The following CER1 variants were observed in gnomAD, a reference collection of about 807,000 sequenced individuals.
The protein encoded by CER1 is cerberus 1, DAN family BMP antagonist, also known as cerberus.
CER1 carries 10 observed loss-of-function variants against 11.8 expected under a neutral mutation model. The ratio of observed to expected loss-of-function variants is 0.85; its 90% CI spans 0.52 to 1.44. The LOEUF (loss-of-function observed/expected upper bound fraction) is 1.44, where lower values mean the gene tolerates loss of function less well. Ranked by LOEUF, CER1 falls within the 40% of genes most tolerant of loss-of-function variation. CER1 has a pLI of 0.00. For missense variants in CER1, 431 were observed against 327.0 expected (o/e 1.32, Z -2.45); for synonymous variants, 141 against 122.3 (o/e 1.15, Z -1.01).
Position 14,722,567 on chromosome 9 carries a change from G to C in CER1, c.106C>G (p.Pro36Ala). The C allele has an allele frequency of 2.5e-6, 4 of 1,613,892 alleles. No individual in the cohort carries two copies. The highest frequency in any genetic ancestry group is 3.4e-6 in the Non-Finnish European group (4 of 1,180,040). Residue 36 changes from proline (P) to alanine (A), a missense_variant, in exon 1 of 2, where the codon CCA (proline) becomes GCA (alanine). Pro to Ala is a conservative substitution (Grantham distance 27). Coordinates refer to ENST00000380911, the MANE Select transcript of CER1 (RefSeq NM_005454.3). ...GTGGGAAGCTCTCTTTGATTCCTTGGCAGGAGTACGGGGGAAAGAGAACTC... is the reference window on the plus strand; with the variant it reads ...GTGGGAAGCTCTCTTTGATTCCTTGCCAGGAGTACGGGGGAAAGAGAACTC... ...NQSSLSPVLL[P>A]RNQRELPTGN...
intron 1 of CER1, among the ~76,000 whole-genome samples, chr9:14,721,064 G>C (rs1840001405): frequency 6.6e-6 from 1 of 152,194 alleles, no homozygotes; most frequent in African/African-American, 2.4e-5. Context: ...TTGATTGCCT[G>C]ATTCTTAGGG....
At chr9:14,718,365 C>T (rs944367110), downstream of CER1, among the ~76,000 whole-genome samples, 1 of 152,126 alleles carries the variant, frequency 6.6e-6, no homozygotes, top group Non-Finnish European at 1.5e-5. Flanking sequence ...AATATATTGA[C>T]CAGCTGAGAT....
Position 14,720,082 on chromosome 9 carries a change from A to C in CER1, c.*8T>G. 1 of 1,611,066 alleles carries C rather than the reference A, an allele frequency of 6.2e-7. No homozygotes were observed. The highest frequency in any genetic ancestry group is 1.1e-5 in the South Asian group (1 of 91,038). On this transcript the variant is annotated 3_prime_UTR_variant, in exon 2 of 2. Transcript: ENST00000380911. ...TTTGCTTTTCAAAGGTAATAGTGGG[A>C]TAGCTCTTCAAGCTGAAACTCCTGG...
Position 14,722,505 on chromosome 9 carries a change from C to G in CER1, c.168G>C (p.Leu56=), listed in dbSNP as rs749742070. The change falls in exon 1 of 2, where the codon CTG becomes CTC. Residue 56 remains leucine (L), a synonymous_variant. Transcript: ENST00000380911. ...CTACAAGGTGTGGCACTGCGACAAA[C>G]AGATCTGGCTTCTCCTCAGCTTCCT... ...NHEEAEEKPD[L]FVAVPHLVAT... The G allele has an allele frequency of 1.2e-6, 2 of 1,614,228 alleles. No homozygotes were observed. Among genetic ancestry groups the G allele is most frequent in the African/African-American group, 1.3e-5 (1 of 75,064 alleles).
chr9:14,719,333 C>A (rs10961682), downstream of CER1, among the ~76,000 whole-genome samples: 1 of 152,074 alleles, frequency 6.6e-6, no homozygotes, highest in East Asian at 1.9e-4. Flanking sequence ...AAGTCAGAGA[C>A]CTGACATTAA....
In CER1 at chr9:14,720,341, G is replaced by T; in HGVS notation, c.553C>A (p.Leu185Ile). The change falls in exon 2 of 2, where the codon CTT becomes ATT. Residue 185 changes from leucine (L) to isoleucine (I), a missense_variant. Physicochemically the swap from Leu to Ile is conservative, Grantham distance 5. Coordinates refer to ENST00000380911, the MANE Select transcript of CER1 (RefSeq NM_005454.3). ...GCEKVVVQNN[L>I]CFGKCGSVHF... ...ACAGACCCGCATTTCCCAAAGCAAA[G>T]GTTGTTCTGAACAACTACTTTTTCA... 6.2e-7 allele frequency: 1 copy of T among 1,613,748 alleles called. No homozygotes were observed. Among genetic ancestry groups the T allele is most frequent in the Non-Finnish European group, 8.5e-7 (1 of 1,179,948 alleles).
chr9:14,722,038 G>T, intron 1 of CER1, 128 bp downstream of exon 1: 2 of 1,080,084 alleles, frequency 1.9e-6, no homozygotes, highest in Non-Finnish European at 2.7e-6. Flanking sequence ...TATGATGAAT[G>T]CCCAAGGACC....
Position 14,722,152 on chromosome 9 carries a change from C to CG in CER1, c.507+13_507+14insC. 1 of 1,607,710 alleles carries CG rather than the reference C, an allele frequency of 6.2e-7. No individual in the cohort carries two copies. The highest frequency in any genetic ancestry group is 8.5e-7 in the Non-Finnish European group (1 of 1,176,630). On this transcript the variant is annotated intron_variant, in intron 1 of 1. Coordinates refer to ENST00000380911, the MANE Select transcript of CER1 (RefSeq NM_005454.3). ...CCTGCAAACTCTTACCTGCTCTCCC[C>CG]CCAGAACACATACCTGGCTGAAGGG...
chr9:14,722,423 C>T lies in CER1; in HGVS notation c.250G>A (p.Gly84Ser). 1.9e-6 allele frequency: 3 copies of T among 1,614,160 alleles called. No individual in the cohort carries two copies. Among genetic ancestry groups the T allele is most frequent in the Non-Finnish European group, 2.5e-6 (3 of 1,180,030 alleles). Residue 84 changes from glycine (G) to serine (S), a missense_variant, in exon 1 of 2, where the codon GGC becomes AGC. Gly to Ser is a moderately conservative substitution (Grantham distance 56). Coordinates refer to ENST00000380911, the MANE Select transcript of CER1 (RefSeq NM_005454.3). ...RQREKMLSRF[G>S]RFWKKPEREM... is the part of the protein sequence containing the mutation. ...CTCTCAGGCTTCTTCCAGAACCTGC[C>T]AAATCTGGACAGCATCTTCTCTCTC... is the stretch of plus-strand genomic sequence containing the variant.
At chr9:14,722,145 C>G in intron 1 of CER1, 21 bp downstream of exon 1, 1 of 1,599,540 alleles carries the variant, frequency 6.3e-7, no homozygotes, top group African/African-American at 1.3e-5. Flanking sequence ...CTCTTACCTG[C>G]TCTCCCCCCA....
Position 14,720,083 on chromosome 9 carries a change from TAGCTCTTCA to T in CER1, c.802_*6del. The T allele has an allele frequency of 6.2e-7, 1 of 1,611,162 alleles. No homozygotes were observed. Among genetic ancestry groups the T allele is most frequent in the Non-Finnish European group, 8.5e-7 (1 of 1,177,494 alleles). On this transcript the variant is annotated stop_lost and 3_prime_UTR_variant, in exon 2 of 2. Coordinates refer to ENST00000380911, the MANE Select transcript of CER1 (RefSeq NM_005454.3). ...TTGCTTTTCAAAGGTAATAGTGGGA[TAGCTCTTCA>T]AGCTGAAACTCCTGGGATAAAGGAA...
chr9:14,717,350 C>T (rs947318004), downstream of CER1, among the ~76,000 whole-genome samples: 6 of 151,924 alleles, frequency 3.9e-5, no homozygotes, highest in Admixed American at 1.3e-4. Context: ...CTATTTATTT[C>T]GTTTATATGA....
At chr9:14,719,387 A>G (rs915789404), downstream of CER1, among the ~76,000 whole-genome samples, 6 of 152,236 alleles carry the variant, frequency 3.9e-5, no homozygotes, top group Non-Finnish European at 7.3e-5. Flanking sequence ...GCAACCAAGC[A>G]AGTTACTCCT....
In CER1 at chr9:14,722,292, C is replaced by G. The variant is rs748877898; in HGVS notation, c.381G>C (p.Arg127=). ...DGMKMEKSPL[R]EEAKKFWHHF... ...GGTGCCAGAATTTCTTGGCTTCTTC[C>G]CGAAGAGGAGATTTCTCCATTTTCA... Residue 127 remains arginine (R), a synonymous_variant, in exon 1 of 2, where the codon CGG becomes CGC. Transcript: ENST00000380911. 2.8e-5 allele frequency: 46 copies of G among 1,614,076 alleles called. No individual in the cohort carries two copies. The highest frequency in any genetic ancestry group is 3.7e-5 in the Non-Finnish European group (44 of 1,180,038).
chr9:14,722,539 C>A lies in CER1; in HGVS notation c.134G>T (p.Gly45Val), dbSNP rs760919343. 1 of 1,614,174 alleles carries A rather than the reference C, an allele frequency of 6.2e-7. No individual in the cohort carries two copies. Among genetic ancestry groups the A allele is most frequent in the South Asian group, 1.1e-5 (1 of 91,074 alleles). ...CTTCTCCTCAGCTTCCTCATGGTTG[C>A]CTGTGGGAAGCTCTCTTTGATTCCT... ...LPRNQRELPT[G>V]NHEEAEEKPD... The change falls in exon 1 of 2, where the codon GGC becomes GTC. Residue 45 changes from glycine to valine, a missense_variant. Transcript: ENST00000380911.
At chr9:14,718,526 A>G (rs148127603), downstream of CER1, among the ~76,000 whole-genome samples, 356 of 152,306 alleles carry the variant, frequency 2.3e-3, 4 homozygotes, top group African/African-American at 8.2e-3. Flanking sequence ...TACAAAATAT[A>G]CACTAAATAT....
At chr9:14,718,012 C>T (rs931383969), downstream of CER1, among the ~76,000 whole-genome samples, 1 of 152,116 alleles carries the variant, frequency 6.6e-6, no homozygotes, top group African/African-American at 2.4e-5. Context: ...TACAGTCTTA[C>T]ATATTATGTT....
rs74434454 is a variant in CER1, at chr9:14,719,969, A to T, written c.*121T>A. The T allele has an allele frequency of 2.3e-6, 2 of 871,028 alleles. No individual in the cohort carries two copies. The highest frequency in any genetic ancestry group is 3.6e-6 in the Non-Finnish European group (2 of 557,802). The allele number at this position is 871,028 out of a possible 1,614,324, so 54.0% of individuals were successfully genotyped here. A position where few individuals can be genotyped will look rare whatever the true frequency, so the allele number is the denominator to read the frequency against. Reference sequence around the variant, plus strand: ...ATTTCCTCTATCGTTCTAATTTAAAACTACGTTTCAAGTCACCTTTCCCTG... The same window carrying T: ...ATTTCCTCTATCGTTCTAATTTAAATCTACGTTTCAAGTCACCTTTCCCTG... On this transcript the variant is annotated 3_prime_UTR_variant, in exon 2 of 2. Coordinates refer to ENST00000380911, the MANE Select transcript of CER1 (RefSeq NM_005454.3).
chr9:14,719,557 GCCTGCCTTCCTTCCTT>G (rs1418754414), downstream of CER1, among the ~76,000 whole-genome samples: 976 of 76,324 alleles, frequency 0.013, 14 homozygotes, highest in South Asian at 0.037. Flanking sequence ...CTGCCTGCCT[GCCTGCCTTCCTTCCTT>G]CCTTCCTTCC....
Sources: gnomAD v4.1 joint callset for allele counts (sites outside exome capture counted in the v4.1 genomes callset) on GRCh38, gnomAD v4.1.1 for gene constraint, MANE v1.5 for transcripts, NCBI Gene and HGNC (gene_info 2026-07-23, HGNC 2026-07-21) for gene names.